GARIN2: variants seen among roughly 807,000 people sequenced by gnomAD.
GARIN2 encodes golgi associated RAB2 interactor family member 2, also known as Golgi-associated RAB2 interactor protein 2.
the GARIN2 span, among the ~76,000 whole-genome samples, chr14:67,225,926 AGTGTGTGTGTGTGTGTGT>A: frequency 1.5e-5 from 2 of 136,630 alleles, no homozygotes; most frequent in South Asian, 4.8e-4. Flanking sequence ...TAATGCTGTG[AGTGTGTGTGTGTGTGTGT>A]GTGTGTGTGT....
the GARIN2 span, chr14:67,199,035 G>C: frequency 1.4e-6 from 1 of 728,754 alleles, no homozygotes. Flanking sequence ...CAAAAGGCAA[G>C]AAGAGGATGG....
the GARIN2 span, among the ~76,000 whole-genome samples, chr14:67,215,154 A>C: frequency 3.3e-5 from 5 of 152,174 alleles, no homozygotes; most frequent in Non-Finnish European, 5.9e-5. Flanking sequence ...TCTATCAAGC[A>C]AGGATTCCCC....
At chr14:67,220,979 T>C in the GARIN2 span, among the ~76,000 whole-genome samples, 4 of 152,208 alleles carry the variant, frequency 2.6e-5, no homozygotes, top group Non-Finnish European at 4.4e-5. Context: ...AACTATTTGT[T>C]TTATTCAATA....
chr14:67,203,552 C>A, the GARIN2 span, among the ~76,000 whole-genome samples: 14 of 152,326 alleles, frequency 9.2e-5, no homozygotes, highest in Non-Finnish European at 1.9e-4. Context: ...CTTTCTAGAA[C>A]ATGCCTCCTC....
At chr14:67,218,608 C>A in the GARIN2 span, among the ~76,000 whole-genome samples, 794 of 152,226 alleles carry the variant, frequency 5.2e-3, 3 homozygotes, top group Middle Eastern at 0.037. Context: ...TCAGGAGCAA[C>A]CTGCAGGACT....
the GARIN2 span, chr14:67,208,043 A>G: frequency 1.6e-6 from 1 of 637,858 alleles, no homozygotes; most frequent in Non-Finnish European, 1.9e-6. Context: ...GGCTCTCCCA[A>G]TGGTCGTGCC....
At chr14:67,218,385 C>T in the GARIN2 span, among the ~76,000 whole-genome samples, 16 of 152,130 alleles carry the variant, frequency 1.1e-4, no homozygotes, top group African/African-American at 3.1e-4. Context: ...CCCACAGAGC[C>T]GTTTCTCAAA....
At chr14:67,226,231 G>A in the GARIN2 span, among the ~76,000 whole-genome samples, 24 of 151,544 alleles carry the variant, frequency 1.6e-4, no homozygotes, top group Non-Finnish European at 3.2e-4. Context: ...TTGCTCTGTC[G>A]CCCAGGCTGG....
At chr14:67,191,619 C>T in the GARIN2 span, among the ~76,000 whole-genome samples, 1 of 152,184 alleles carries the variant, frequency 6.6e-6, no homozygotes, top group Non-Finnish European at 1.5e-5. Flanking sequence ...ACAGGGTGAA[C>T]AATCCCATAT....
the GARIN2 span, among the ~76,000 whole-genome samples, chr14:67,214,760 G>A: frequency 2.6e-5 from 4 of 152,070 alleles, no homozygotes; most frequent in Non-Finnish European, 4.4e-5. Context: ...CTTGGGCAGT[G>A]TGGCCATTTT....
chr14:67,213,072 G>C, the GARIN2 span, among the ~76,000 whole-genome samples: 17 of 150,392 alleles, frequency 1.1e-4, no homozygotes, highest in South Asian at 3.6e-3. Flanking sequence ...TAAGCTTGGG[G>C]ATGGGGCATA....
chr14:67,224,114 AAAGTT>A, the GARIN2 span: 3 of 663,566 alleles, frequency 4.5e-6, no homozygotes, highest in Non-Finnish European at 5.6e-6. Flanking sequence ...GCAGTTTGCG[AAAGTT>A]AAATTTTTTT....
chr14:67,224,102 C>T, the GARIN2 span: 1 of 738,430 alleles, frequency 1.4e-6, no homozygotes. Context: ...TCAAACCTCT[C>T]AGCAGTTTGC....
At chr14:67,225,829 C>A in the GARIN2 span, among the ~76,000 whole-genome samples, 3 of 152,080 alleles carry the variant, frequency 2.0e-5, no homozygotes, top group African/African-American at 7.2e-5. Context: ...TTCTCTCAGC[C>A]ATGATAACAA....
At chr14:67,222,853 G>GA in the GARIN2 span, among the ~76,000 whole-genome samples, 21 of 147,704 alleles carry the variant, frequency 1.4e-4, no homozygotes, top group East Asian at 2.0e-4. Context: ...TAAGTGAAGA[G>GA]AAAAAAAAAA....
At chr14:67,214,108 T>C in the GARIN2 span, among the ~76,000 whole-genome samples, 4 of 152,370 alleles carry the variant, frequency 2.6e-5, no homozygotes, top group South Asian at 8.3e-4. Flanking sequence ...CCTCCCATTT[T>C]ATAGGTTGGC....
the GARIN2 span, among the ~76,000 whole-genome samples, chr14:67,226,492 C>T: frequency 3.3e-5 from 5 of 152,218 alleles, no homozygotes; most frequent in Non-Finnish European, 5.9e-5. Flanking sequence ...TCCCAAGTAG[C>T]TGGGACTACA....
chr14:67,199,422 G>C, the GARIN2 span: 9 of 1,613,562 alleles, frequency 5.6e-6, no homozygotes, highest in Admixed American at 8.3e-5. Flanking sequence ...GATACTTTCA[G>C]CGCCTTTGGG....
chr14:67,219,180 C>A, the GARIN2 span, among the ~76,000 whole-genome samples: 2 of 152,188 alleles, frequency 1.3e-5, no homozygotes, highest in African/African-American at 4.8e-5. Context: ...ACTCCCAAAA[C>A]TAGGCTCAGG....
Sources: gnomAD v4.1 joint callset for allele counts (sites outside exome capture counted in the v4.1 genomes callset) on GRCh38, gnomAD v4.1.1 for gene constraint, MANE v1.5 for transcripts, NCBI Gene and HGNC (gene_info 2026-07-23, HGNC 2026-07-21) for gene names.